The following TMEM164 variants were observed in gnomAD, a reference collection of about 807,000 sequenced individuals.
The protein encoded by TMEM164 is transmembrane protein 164, also known as RP13-360B22.2.
TMEM164 carries 4 observed loss-of-function variants against 18.8 expected under a neutral mutation model. The ratio of observed to expected loss-of-function variants is 0.21; its 90% CI spans 0.10 to 0.49. TMEM164 has a LOEUF of 0.49. Ranked by LOEUF, TMEM164 falls within the 20% of genes least tolerant of loss-of-function variation. TMEM164 has a pLI of 0.98. For missense variants in TMEM164, 108 were observed against 239.9 expected, an observed-to-expected ratio of 0.45 and a Z score of 3.63; for synonymous variants, 86 against 101.7, an observed-to-expected ratio of 0.85 and a Z score of 0.93.
intron 4 of TMEM164, among the ~76,000 whole-genome samples, chrX:110,117,631 T>A (rs1337788910): frequency 3.6e-5 from 4 of 112,199 alleles, no homozygotes; most frequent in African/African-American, 6.5e-5. Context: ...AAGATTTTTT[T>A]AAAAATGAGA....
intron 2 of TMEM164, among the ~76,000 whole-genome samples, chrX:110,024,282 G>A (rs891989393): frequency 9.1e-6 from 1 of 110,223 alleles, no homozygotes; most frequent in Non-Finnish European, 1.9e-5. Context: ...CTTTTTTGTT[G>A]TTTGGTTCTT....
intron 4 of TMEM164, among the ~76,000 whole-genome samples, chrX:110,136,384 T>C (rs2066691718): frequency 1.8e-5 from 2 of 111,917 alleles, no homozygotes; most frequent in Non-Finnish European, 3.8e-5. Flanking sequence ...TTAATGAAGA[T>C]AAAGTGTTCC....
intron 2 of TMEM164, among the ~76,000 whole-genome samples, chrX:110,027,759 C>G (rs1288355366): frequency 4.6e-5 from 5 of 107,827 alleles, no homozygotes; most frequent in Non-Finnish European, 9.6e-5. Flanking sequence ...GACTCCGTCT[C>G]AAAAAAAATA....
intron 4 of TMEM164, among the ~76,000 whole-genome samples, chrX:110,140,035 T>C (rs1175337210): frequency 9.0e-6 from 1 of 111,062 alleles, no homozygotes; most frequent in Non-Finnish European, 1.9e-5. Context: ...GGGCAAGGCA[T>C]TGAGAGGCCA....
downstream of TMEM164, among the ~76,000 whole-genome samples, chrX:110,183,863 G>A (rs1185911023): frequency 8.9e-6 from 1 of 112,064 alleles, no homozygotes; most frequent in Non-Finnish European, 1.9e-5. Context: ...TTATTAAAAA[G>A]GAGTGATCAA....
At chrX:110,155,091 A>G (rs965208479) in intron 5 of TMEM164, among the ~76,000 whole-genome samples, 2 of 111,592 alleles carry the variant, frequency 1.8e-5, no homozygotes, top group Admixed American at 9.5e-5. Context: ...TGCCGTCTCT[A>G]GAGGTCAGGA....
intron 5 of TMEM164, among the ~76,000 whole-genome samples, chrX:110,146,928 G>A (rs1486306706): frequency 8.9e-6 from 1 of 112,232 alleles, no homozygotes; most frequent in Non-Finnish European, 1.9e-5. Flanking sequence ...CCTAGAAGTC[G>A]CTTGTAATTT....
chrX:110,015,631 C>T (rs1348188391), intron 2 of TMEM164, among the ~76,000 whole-genome samples: 7 of 110,136 alleles, frequency 6.4e-5, no homozygotes, highest in Non-Finnish European at 1.3e-4. Flanking sequence ...TGCTCAGAGT[C>T]ATGTGCACAA....
At chrX:110,035,817 C>T (rs1220837267) in intron 2 of TMEM164, among the ~76,000 whole-genome samples, 1 of 109,035 alleles carries the variant, frequency 9.2e-6, no homozygotes, top group African/African-American at 3.4e-5. Context: ...AAAGTTTACT[C>T]TTGTACAAAT....
intron 2 of TMEM164, among the ~76,000 whole-genome samples, chrX:110,018,791 CTG>C (rs1470320823): frequency 8.9e-6 from 1 of 112,167 alleles, no homozygotes; most frequent in Non-Finnish European, 1.9e-5. Flanking sequence ...CTGTTATCAT[CTG>C]TAAGACAGAG....
intron 2 of TMEM164, among the ~76,000 whole-genome samples, chrX:110,051,856 T>A (rs1935577140): frequency 9.0e-6 from 1 of 111,631 alleles, no homozygotes; most frequent in Non-Finnish European, 1.9e-5. Context: ...ATATTTTTAG[T>A]GAAATTGCCT....
At chrX:110,145,819 T>C (rs2066845524) in intron 5 of TMEM164, among the ~76,000 whole-genome samples, 1 of 111,807 alleles carries the variant, frequency 8.9e-6, no homozygotes, top group Non-Finnish European at 1.9e-5. Flanking sequence ...TTCCGGCAGA[T>C]CTTAAGATCT....
chrX:110,062,356 TTG>T (rs1365579357), intron 2 of TMEM164, among the ~76,000 whole-genome samples: 1 of 110,079 alleles, frequency 9.1e-6, no homozygotes, highest in Non-Finnish European at 1.9e-5. Context: ...GGCATGCAAA[TTG>T]TGTGTGTGTG....
intron 2 of TMEM164, among the ~76,000 whole-genome samples, chrX:110,032,227 G>T (rs777038998): frequency 8.9e-6 from 1 of 112,281 alleles, no homozygotes; most frequent in South Asian, 3.7e-4. Flanking sequence ...GTGTTGGGGT[G>T]ATGGATGGAC....
rs373383520 is a variant in TMEM164, at chrX:110,109,070, C to G, written c.441-10C>G. 4.1e-6 allele frequency: 5 copies of G among 1,206,833 alleles called. No homozygotes were observed. The highest frequency in any genetic ancestry group is 1.8e-5 in the South Asian group (1 of 56,772). On this transcript the variant is annotated splice_polypyrimidine_tract_variant and intron_variant, in intron 3 of 6. Transcript: ENST00000372068. ...AGTATGACCTGAACTTTATCTTTCTCCCCCTCTAGGCTACAGATGCACATG... is the reference window on the plus strand; with the variant it reads ...AGTATGACCTGAACTTTATCTTTCTGCCCCTCTAGGCTACAGATGCACATG...
chrX:110,015,580 T>C (rs182950974), intron 2 of TMEM164, among the ~76,000 whole-genome samples: 1,345 of 108,286 alleles, frequency 0.012, 13 homozygotes, highest in African/African-American at 0.015. Context: ...TGTGTGTGTG[T>C]GCGCGCCTGT....
intron 3 of TMEM164, among the ~76,000 whole-genome samples, chrX:110,101,328 C>G (rs1213335026): frequency 1.8e-5 from 2 of 111,359 alleles, no homozygotes; most frequent in Admixed American, 9.6e-5. Context: ...TTCAGGTTGT[C>G]TTTTTCATCT....
chrX:110,096,943 G>T (rs1338709682), intron 3 of TMEM164, among the ~76,000 whole-genome samples: 1 of 111,783 alleles, frequency 8.9e-6, no homozygotes, highest in East Asian at 2.8e-4. Flanking sequence ...TACACTCTTA[G>T]ATCCAGGGGT....
intron 3 of TMEM164, among the ~76,000 whole-genome samples, chrX:110,083,836 G>C (rs1170123246): frequency 9.0e-6 from 1 of 111,249 alleles, no homozygotes; most frequent in Admixed American, 9.6e-5. Flanking sequence ...GAAAATTTTT[G>C]ATTTTGTGTG....
Sources: allele counts gnomAD v4.1 joint callset (sites outside exome capture counted in the v4.1 genomes callset), GRCh38; gene constraint gnomAD v4.1.1; transcripts MANE v1.5; gene names NCBI Gene and HGNC (gene_info 2026-07-23, HGNC 2026-07-21).